Variants in ATP13A3 observed in about 807,000 individuals in gnomAD.
ATP13A3 encodes the protein ATPase 13A3, also known as polyamine-transporting ATPase 13A3.
ATP13A3 carries 59 observed loss-of-function variants against 158.1 expected under a neutral mutation model. The observed-to-expected ratio is 0.37, with a 90% CI of 0.30 to 0.46. The LOEUF is 0.46. Ranked by LOEUF, ATP13A3 falls within the 20% of genes least tolerant of loss-of-function variation. The pLI is 1.00. For synonymous variants in ATP13A3, 491 were observed against 504.3 expected, an observed-to-expected ratio of 0.97 and a Z score of 0.35; for missense variants, 1,166 against 1,525.2, an observed-to-expected ratio of 0.76 and a Z score of 3.92.
At chr3:194,422,546 G>A (rs1268868885) in intron 30 of ATP13A3, among the ~76,000 whole-genome samples, 6 of 152,122 alleles carry the variant, frequency 3.9e-5, no homozygotes, top group African/African-American at 1.4e-4. Flanking sequence ...TAAGGATTCT[G>A]TAGGAAATAA....
intron 2 of ATP13A3, among the ~76,000 whole-genome samples, chr3:194,475,144 G>A (rs890202966): frequency 6.6e-6 from 1 of 152,116 alleles, no homozygotes; most frequent in Non-Finnish European, 1.5e-5. Context: ...TTTTCCAGAG[G>A]TTATACCTCC....
rs1718552296 is a variant in ATP13A3, at chr3:194,448,363, C to T, written c.1150+94G>A. On this transcript the variant is annotated intron_variant, in intron 12 of 33. Transcript: ENST00000645319. The surrounding 1 kb of genome is among the most constrained non-coding windows in gnomAD (Gnocchi z 4.0). ...AAAGTGCTGGGATTACAGGCGTTAG[C>T]CACAGCACCCAGCCCAGAATCTCTT... 10 of 1,450,612 alleles carry T rather than the reference C, an allele frequency of 6.9e-6. No individual in the cohort carries two copies. The highest frequency in any genetic ancestry group is 8.6e-6 in the Non-Finnish European group (9 of 1,046,756). 89.9% of individuals were successfully genotyped at this position (1,450,612 alleles called of 1,614,324 possible).
chr3:194,418,409 G>C (rs1716048394), intron 31 of ATP13A3, among the ~76,000 whole-genome samples: 1 of 151,800 alleles, frequency 6.6e-6, no homozygotes, highest in African/African-American at 2.4e-5. Flanking sequence ...TCACTATACA[G>C]TCAAATATAA....
intron 2 of ATP13A3, among the ~76,000 whole-genome samples, chr3:194,481,213 T>A (rs1327769663): frequency 1.3e-5 from 2 of 148,612 alleles, no homozygotes; most frequent in African/African-American, 2.6e-5. Flanking sequence ...TTCATCCTAT[T>A]TCACAAATGG....
At chr3:194,433,972 T>G in intron 20 of ATP13A3, 76 bp from the exon 21 acceptor site, 2 of 1,382,480 alleles carry the variant, frequency 1.4e-6, no homozygotes, top group Non-Finnish European at 2.0e-6. Flanking sequence ...ACTTGAAATA[T>G]CTAAACAATT....
At chr3:194,412,525 G>A (rs1241963355) in intron 32 of ATP13A3, 2 of 482,988 alleles carry the variant, frequency 4.1e-6, no homozygotes, top group Non-Finnish European at 7.5e-6. Flanking sequence ...CATGAAATAT[G>A]GCTTTTGTAT....
intron 16 of ATP13A3, among the ~76,000 whole-genome samples, chr3:194,439,295 A>C (rs549722958): frequency 6.6e-6 from 1 of 152,322 alleles, no homozygotes; most frequent in African/African-American, 2.4e-5. Flanking sequence ...GCTCTGCAAA[A>C]GATAAAAGGT....
At chr3:194,475,067 G>A (rs993660874) in intron 2 of ATP13A3, among the ~76,000 whole-genome samples, 8 of 152,128 alleles carry the variant, frequency 5.3e-5, no homozygotes, top group Admixed American at 1.3e-4. Flanking sequence ...ATGAGAAAAA[G>A]GGGATGCTAG....
chr3:194,458,697 T>C (rs1199371241), intron 6 of ATP13A3, among the ~76,000 whole-genome samples: 1 of 152,160 alleles, frequency 6.6e-6, no homozygotes, highest in Non-Finnish European at 1.5e-5. Context: ...CTGATTTTCT[T>C]TAAGGCAATA....
intron 10 of ATP13A3, 42 bp downstream of exon 10, chr3:194,453,664 G>C (rs1305856909): frequency 6.7e-7 from 1 of 1,490,710 alleles, no homozygotes; most frequent in South Asian, 1.1e-5. Flanking sequence ...ATGCCTAACA[G>C]GTATCTTTTT....
rs1272517250 is a variant in ATP13A3 at position 194,448,650 on chromosome 3, C to G, written c.971-14G>C. The G allele has an allele frequency of 1.2e-6, 2 of 1,600,862 alleles. No individual in the cohort carries two copies. Among genetic ancestry groups the G allele is most frequent in the South Asian group, 2.3e-5 (2 of 88,416 alleles). On this transcript the variant is annotated splice_polypyrimidine_tract_variant and intron_variant, in intron 11 of 33. Transcript: ENST00000645319. This position sits in a 1 kb window ranked among gnomAD's most constrained non-coding sequence, Gnocchi z 4.0. The stretch of plus-strand genomic sequence containing the variant: ...GAACACTTTCTCCTTTAAAAAACAA[C>G]AACAACAACAAAAACAGTTTACAAA...
chr3:194,483,440 A>AAAAAAAAAAC (rs1291945212), intron 2 of ATP13A3, among the ~76,000 whole-genome samples: 1 of 151,070 alleles, frequency 6.6e-6, no homozygotes, highest in Non-Finnish European at 1.5e-5. Context: ...AAAAAAAAAA[A>AAAAAAAAAAC]CTAGCTGGGT....
intron 3 of ATP13A3, among the ~76,000 whole-genome samples, chr3:194,461,501 A>C (rs994258129): frequency 1.3e-5 from 2 of 152,228 alleles, no homozygotes; most frequent in Non-Finnish European, 2.9e-5. Context: ...TTGTCCCAAT[A>C]CCACTGCGAC....
At chr3:194,469,507 C>A (rs1720199163) in intron 2 of ATP13A3, among the ~76,000 whole-genome samples, 1 of 151,930 alleles carries the variant, frequency 6.6e-6, no homozygotes, top group Admixed American at 6.6e-5. Context: ...AAAAGAAATT[C>A]CAGTAACTGA....
chr3:194,457,785 C>CT (rs147162535), intron 6 of ATP13A3, among the ~76,000 whole-genome samples: 9,012 of 127,876 alleles, frequency 0.07, 942 homozygotes, highest in African/African-American at 0.21. Flanking sequence ...CTTAATTATG[C>CT]TTTTTTTTTT....
chr3:194,415,220 A>C (rs946860337), intron 31 of ATP13A3, among the ~76,000 whole-genome samples: 1 of 152,200 alleles, frequency 6.6e-6, no homozygotes, highest in Non-Finnish European at 1.5e-5. Context: ...ACTGGAAAAA[A>C]ATACATTAGG....
At chr3:194,447,527 T>TA (rs1718486833) in intron 13 of ATP13A3, among the ~76,000 whole-genome samples, 1 of 151,364 alleles carries the variant, frequency 6.6e-6, no homozygotes, top group African/African-American at 2.4e-5. Flanking sequence ...ATCTCAGAGG[T>TA]AAAAAAGAGA....
In ATP13A3 at chr3:194,494,238, A is replaced by T. The variant is rs1237316306; in HGVS notation, n.558T>A. The T allele has an allele frequency of 5.0e-6, 2 of 398,540 alleles. No homozygotes were observed. The highest frequency in any genetic ancestry group is 8.8e-6 in the Non-Finnish European group (2 of 226,124). The allele number at this position is 398,540 out of a possible 1,614,324, so 24.7% of individuals were successfully genotyped here. Reference sequence around the variant, plus strand: ...CAGGACCTTCCTCAGCCACATCTGGATCCTCAGCCCCTCACAGCACACAGC... The same window carrying T: ...CAGGACCTTCCTCAGCCACATCTGGTTCCTCAGCCCCTCACAGCACACAGC... On this transcript the variant is annotated non_coding_transcript_exon_variant, in exon 2 of 33. Transcript: ENST00000687055. This position sits in a 1 kb window ranked among gnomAD's most constrained non-coding sequence, Gnocchi z 4.2.
At position 194,456,265 on chromosome 3, in the gene ATP13A3, GATCTT is replaced by G. The variant is rs536596748; in HGVS notation, c.561-308_561-304del. ...CTCTTTTGCATCCTTGAACACACTA[GATCTT>G]AACAATTTTGAATTACAATTATTTT... On this transcript the variant is annotated intron_variant, in intron 7 of 33. Transcript: ENST00000645319. Among the ~76,000 whole-genome samples the G allele has an allele frequency of 9.9e-4, 150 of 151,790 alleles. 2 individuals carry two copies. The highest frequency in any genetic ancestry group is 3.4e-3 in the African/African-American group (139 of 41,384).
Sources: allele counts gnomAD v4.1 joint callset (sites outside exome capture counted in the v4.1 genomes callset), GRCh38; gene constraint gnomAD v4.1.1; non-coding constraint Gnocchi (gnomAD v3.1); transcripts MANE v1.5; gene names NCBI Gene and HGNC (gene_info 2026-07-23, HGNC 2026-07-21).